PYGO1: variants seen among roughly 807,000 people sequenced by gnomAD.
PYGO1 encodes the protein pygopus homolog 1.
A neutral mutation model predicts 29.5 loss-of-function variants in PYGO1; 6 were observed. The observed-to-expected ratio is 0.20, with a 90% CI of 0.11 to 0.40. The LOEUF (loss-of-function observed/expected upper bound fraction) is 0.40. Among genes scored for constraint, PYGO1 ranks in the 10% least tolerant of loss-of-function variants. The pLI, the probability that PYGO1 is intolerant of heterozygous loss-of-function variation, is 1.00. For missense variants in PYGO1, 515 were observed against 514.9 expected, an observed-to-expected ratio of 1.00 and a Z score of 0.00; for synonymous variants, 186 against 180.5, an observed-to-expected ratio of 1.03 and a Z score of -0.24.
chr15:55,570,524 T>TA (rs11409320), intron 1 of PYGO1, among the ~76,000 whole-genome samples: 50,044 of 148,572 alleles, frequency 0.34, 8,592 homozygotes, highest in East Asian at 0.6. Context: ...TTTCATATAC[T>TA]AAAAAAAAAA....
chr15:55,586,954 G>A (rs977374647), intron 1 of PYGO1, among the ~76,000 whole-genome samples: 2 of 152,204 alleles, frequency 1.3e-5, no homozygotes, highest in Non-Finnish European at 2.9e-5. Context: ...GATGAAGATT[G>A]TCTATCTGCT....
chr15:55,565,177 G>C (rs2058949858), intron 1 of PYGO1, among the ~76,000 whole-genome samples: 1 of 152,056 alleles, frequency 6.6e-6, no homozygotes, highest in South Asian at 2.1e-4. Context: ...GCCCAATCGA[G>C]GGATTAACAT....
chr15:55,544,375 G>T lies in PYGO1; in HGVS notation c.*1648C>A, dbSNP rs2058840567. 6.6e-6 allele frequency: 1 copy of T among 152,058 alleles called. No homozygotes were observed. The highest frequency in any genetic ancestry group is 2.4e-5 in the African/African-American group (1 of 41,408). 9.4% of individuals were successfully genotyped at this position (152,058 alleles called of 1,614,324 possible). A position where few individuals can be genotyped will look rare whatever the true frequency, so the allele number is the denominator to read the frequency against. ...CTTCATCTCGATTGGGGAATGCATT[G>T]TTTCTTAGAAAAAGCTCCAAATGAT... is the stretch of plus-strand genomic sequence containing the variant. On this transcript the variant is annotated 3_prime_UTR_variant, in exon 3 of 3. Coordinates refer to ENST00000563719, the MANE Select transcript of PYGO1 (RefSeq NM_001367806.1).
intron 1 of PYGO1, among the ~76,000 whole-genome samples, chr15:55,582,322 GA>G (rs2059028736): frequency 6.6e-6 from 1 of 151,964 alleles, no homozygotes; most frequent in Admixed American, 6.6e-5. Context: ...GAATATGGTA[GA>G]AAAAGAATCA....
At chr15:55,561,636 C>G (rs149428724) in intron 1 of PYGO1, among the ~76,000 whole-genome samples, 7 of 152,196 alleles carry the variant, frequency 4.6e-5, no homozygotes, top group African/African-American at 1.4e-4. Context: ...GTTTACAATT[C>G]AAGATGAGAT....
intron 1 of PYGO1, among the ~76,000 whole-genome samples, chr15:55,563,118 A>T (rs2058940307): frequency 6.6e-6 from 1 of 152,190 alleles, no homozygotes; most frequent in Non-Finnish European, 1.5e-5. Context: ...ACTTTTGATG[A>T]AAGTTTTTCA....
chr15:55,574,946 A>G (rs2058995215), intron 1 of PYGO1, among the ~76,000 whole-genome samples: 1 of 152,218 alleles, frequency 6.6e-6, no homozygotes, highest in South Asian at 2.1e-4. Flanking sequence ...GAAGAGGATT[A>G]CCATTTAATA....
At position 55,546,937 on chromosome 15, in the gene PYGO1, A is replaced by G. The variant is rs1212862618; in HGVS notation, c.346T>C (p.Ser116Pro). The G allele has an allele frequency of 3.1e-6, 5 of 1,614,020 alleles. No homozygotes were observed. The highest frequency in any genetic ancestry group is 2.5e-6 in the Non-Finnish European group (3 of 1,180,002). The change falls in exon 3 of 3, where the codon TCC (serine) becomes CCC (proline). Residue 116 changes from serine (S) to proline (P), a missense_variant. Coordinates refer to ENST00000563719, the MANE Select transcript of PYGO1 (RefSeq NM_001367806.1). ...MPPHVPPRMS[S>P]PYCGPYSLRN... ...AGTGAGTAAGGACCACAGTATGGGGAAGACATTCTTGGGGGAACGTGAGGT... is the reference window on the plus strand; with the variant it reads ...AGTGAGTAAGGACCACAGTATGGGGGAGACATTCTTGGGGGAACGTGAGGT...
intron 1 of PYGO1, among the ~76,000 whole-genome samples, chr15:55,581,104 G>C (rs2059023210): frequency 6.6e-6 from 1 of 152,126 alleles, no homozygotes; most frequent in South Asian, 2.1e-4. Flanking sequence ...CACTATGATA[G>C]AGATAAGCAC....
In PYGO1 at chr15:55,540,459, C is replaced by T. The variant is rs546238857; in HGVS notation, c.*5564G>A. The T allele has an allele frequency of 2.4e-4, 36 of 151,980 alleles. No individual in the cohort carries two copies. The highest frequency in any genetic ancestry group is 7.7e-4 in the East Asian group (4 of 5,170). 9.4% of individuals were successfully genotyped at this position (151,980 alleles called of 1,614,324 possible). ...TAAGGTAATTATTTAGTAAAGTATA[C>T]CTGTAAGTGGAAAATAAAAATTTTA... On this transcript the variant is annotated 3_prime_UTR_variant, in exon 3 of 3. Transcript: ENST00000563719.
chr15:55,546,606 G>C lies in PYGO1; in HGVS notation c.677C>G (p.Pro226Arg). Residue 226 changes from proline to arginine, a missense_variant, in exon 3 of 3, where the codon CCA becomes CGA. Pro to Arg is a moderately radical substitution (Grantham distance 103). Transcript: ENST00000563719. ...TGCTTTTGCTTGACCAAAAGTGTTTGGGGGAGGAATAAAAGAATGATTAGA... is the reference window on the plus strand; with the variant it reads ...TGCTTTTGCTTGACCAAAAGTGTTTCGGGGAGGAATAAAAGAATGATTAGA... ...LESNHSFIPP[P>R]NTFGQAKAPP... The C allele has an allele frequency of 6.2e-7, 1 of 1,613,806 alleles. No individual in the cohort carries two copies. The highest frequency in any genetic ancestry group is 8.5e-7 in the Non-Finnish European group (1 of 1,179,882).
At chr15:55,567,290 C>T (rs1045887475) in intron 1 of PYGO1, among the ~76,000 whole-genome samples, 1 of 135,372 alleles carries the variant, frequency 7.4e-6, no homozygotes, top group African/African-American at 2.8e-5. Context: ...TAACTGCAGC[C>T]TCAAACTCCT....
At chr15:55,552,144 C>T (rs1278621979) in intron 1 of PYGO1, among the ~76,000 whole-genome samples, 3 of 151,854 alleles carry the variant, frequency 2.0e-5, no homozygotes, top group African/African-American at 4.8e-5. Context: ...CACTTGAGGT[C>T]AGGAGTTCGA....
intron 1 of PYGO1, among the ~76,000 whole-genome samples, chr15:55,550,707 T>C (rs1301239868): frequency 2.0e-5 from 3 of 152,242 alleles, no homozygotes; most frequent in Non-Finnish European, 4.4e-5. Context: ...TTTAATTCCT[T>C]ACATAAAATT....
rs929901672 is a variant in PYGO1 at position 55,544,172 on chromosome 15, T to C, written c.*1851A>G. ...AAACCTTGTATTACCTTGTACCATA[T>C]GAAATTGCTGTTTTTGTAGGTCAAA... On this transcript the variant is annotated 3_prime_UTR_variant, in exon 3 of 3. Transcript: ENST00000563719. 1.3e-5 allele frequency: 2 copies of C among 152,314 alleles called. No homozygotes were observed. The highest frequency in any genetic ancestry group is 6.5e-5 in the Admixed American group (1 of 15,290). The allele number at this position is 152,314 out of a possible 1,614,324, so 9.4% of individuals were successfully genotyped here. A position where few individuals can be genotyped will look rare whatever the true frequency, so the allele number is the denominator to read the frequency against.
chr15:55,562,167 G>A (rs181243636), intron 1 of PYGO1, among the ~76,000 whole-genome samples: 28 of 152,236 alleles, frequency 1.8e-4, no homozygotes, highest in African/African-American at 5.8e-4. Context: ...TCAGAATGGC[G>A]ATGATAAAAG....
chr15:55,565,712 T>A (rs1366304941), intron 1 of PYGO1, among the ~76,000 whole-genome samples: 1 of 151,234 alleles, frequency 6.6e-6, no homozygotes, highest in East Asian at 1.9e-4. Context: ...AGACTCCGTC[T>A]CCCCCAAAAA....
At position 55,543,773 on chromosome 15, in the gene PYGO1, C is replaced by G. The variant is rs1277025745; in HGVS notation, c.*2250G>C. 6.6e-6 allele frequency: 1 copy of G among 152,164 alleles called. No individual in the cohort carries two copies. The highest frequency in any genetic ancestry group is 2.4e-5 in the African/African-American group (1 of 41,430). The allele number at this position is 152,164 out of a possible 1,614,324, so 9.4% of individuals were successfully genotyped here. On this transcript the variant is annotated 3_prime_UTR_variant, in exon 3 of 3. Coordinates refer to ENST00000563719, the MANE Select transcript of PYGO1 (RefSeq NM_001367806.1). ...TACTCAAAATATCTATCATCTAGCT[C>G]TATTCAGGGTAATAATAAATCATGA...
rs867656381 is a variant in PYGO1 at position 55,588,317 on chromosome 15, C to G, written c.-434G>C. Among the ~76,000 whole-genome samples, 2 of 148,710 alleles carry G rather than the reference C, an allele frequency of 1.3e-5. No individual in the cohort carries two copies. The highest frequency in any genetic ancestry group is 4.1e-4 in the South Asian group (2 of 4,830). On this transcript the variant is annotated 5_prime_UTR_variant, in exon 1 of 3. Coordinates refer to ENST00000563719, the MANE Select transcript of PYGO1 (RefSeq NM_001367806.1). The stretch of plus-strand genomic sequence containing the variant: ...CAGCGCCCTCTGAGGAGGAGGTCTG[C>G]TCTCTCGCCGCTCCCGAGTCGCAGA...
Sources: gnomAD v4.1 joint callset for allele counts (sites outside exome capture counted in the v4.1 genomes callset) on GRCh38, gnomAD v4.1.1 for gene constraint, MANE v1.5 for transcripts, NCBI Gene and HGNC (gene_info 2026-07-23, HGNC 2026-07-21) for gene names.